Variants in ERBB4 observed in about 807,000 individuals in gnomAD.
ERBB4 encodes the protein receptor tyrosine-protein kinase erbB-4.
Under a neutral mutation model 158.0 loss-of-function variants are expected in ERBB4, and 42 were observed. The ratio of observed to expected loss-of-function variants is 0.27; its 90% CI spans 0.21 to 0.34. The LOEUF (loss-of-function observed/expected upper bound fraction) is 0.34, where lower values mean the gene tolerates loss of function less well. Among genes scored for constraint, ERBB4 ranks in the 10% least tolerant of loss-of-function variants. The pLI is 1.00. For synonymous variants in ERBB4, 583 were observed against 558.7 expected, an observed-to-expected ratio of 1.04 and a Z score of -0.61; for missense variants, 1,333 against 1,624.1, an observed-to-expected ratio of 0.82 and a Z score of 3.08.
At chr2:211,971,492 T>C (rs2081450492) in intron 2 of ERBB4, among the ~76,000 whole-genome samples, 1 of 152,164 alleles carries the variant, frequency 6.6e-6, no homozygotes, top group Non-Finnish European at 1.5e-5. Flanking sequence ...GAAGAGCTGG[T>C]ACCATTCCTA....
intron 20 of ERBB4, among the ~76,000 whole-genome samples, chr2:211,450,600 C>T (rs945699900): frequency 1.5e-4 from 23 of 151,998 alleles, no homozygotes; most frequent in African/African-American, 5.3e-4. Context: ...AAAATAGGAG[C>T]ATGAGAGAGA....
chr2:211,683,422 A>G (rs146617818), intron 12 of ERBB4, among the ~76,000 whole-genome samples: 3,260 of 152,258 alleles, frequency 0.021, 115 homozygotes, highest in African/African-American at 0.075. Context: ...ATTTATATAA[A>G]TGGAATTGTA....
At chr2:211,549,349 A>C (rs1053675039) in intron 20 of ERBB4, among the ~76,000 whole-genome samples, 4 of 151,964 alleles carry the variant, frequency 2.6e-5, no homozygotes, top group Non-Finnish European at 5.9e-5. Context: ...TAAGACTGAA[A>C]GGGAAAGGTA....
At chr2:211,705,240 C>T (rs1471270374) in intron 10 of ERBB4, 78 bp downstream of exon 10, 23 of 1,008,550 alleles carry the variant, frequency 2.3e-5, no homozygotes, top group South Asian at 1.0e-4. Context: ...GTGTGAGCCA[C>T]GATGCCCAGT....
intron 1 of ERBB4, among the ~76,000 whole-genome samples, chr2:212,195,295 A>T (rs987205118): frequency 6.6e-6 from 1 of 152,036 alleles, no homozygotes; most frequent in Non-Finnish European, 1.5e-5. Context: ...TACAATTTGC[A>T]TTAGACAGCT....
intron 1 of ERBB4, among the ~76,000 whole-genome samples, chr2:212,202,455 C>A (rs2105905163): frequency 6.6e-6 from 1 of 152,054 alleles, no homozygotes; most frequent in South Asian, 2.1e-4. Flanking sequence ...CTCAAGTGAT[C>A]CTCCTGTCTC....
chr2:211,929,904 CT>C, intron 3 of ERBB4, among the ~76,000 whole-genome samples: 1 of 152,234 alleles, frequency 6.6e-6, no homozygotes, highest in South Asian at 2.1e-4. Flanking sequence ...CACACATCCT[CT>C]TTTTCTGTTA....
At chr2:212,207,683 T>C (rs2105918704) in intron 1 of ERBB4, among the ~76,000 whole-genome samples, 1 of 152,342 alleles carries the variant, frequency 6.6e-6, no homozygotes, top group South Asian at 2.1e-4. Flanking sequence ...GTAATCTGTA[T>C]AATACGACAG....
chr2:211,505,592 A>AAACT (rs892079169), intron 20 of ERBB4, among the ~76,000 whole-genome samples: 8 of 149,592 alleles, frequency 5.3e-5, no homozygotes, highest in African/African-American at 1.8e-4. Flanking sequence ...ACAAACAAAC[A>AAACT]AACTATGACA....
At chr2:212,318,922 C>G (rs991078064) in intron 1 of ERBB4, among the ~76,000 whole-genome samples, 13 of 151,570 alleles carry the variant, frequency 8.6e-5, no homozygotes, top group African/African-American at 2.9e-4. Flanking sequence ...GCCATGGCTA[C>G]AGAGAGCCAG....
intron 1 of ERBB4, among the ~76,000 whole-genome samples, chr2:212,230,701 C>T (rs1053599693): frequency 1.3e-5 from 2 of 152,098 alleles, no homozygotes; most frequent in Non-Finnish European, 2.9e-5. Flanking sequence ...AATCATACTA[C>T]TTATTCAGGT....
At chr2:211,429,284 C>A (rs1040131016) in intron 21 of ERBB4, among the ~76,000 whole-genome samples, 9 of 152,128 alleles carry the variant, frequency 5.9e-5, no homozygotes, top group African/African-American at 2.2e-4. Context: ...TCTTTCTATA[C>A]TTGCCCCCTC....
chr2:212,014,318 C>G (rs889913545), intron 2 of ERBB4, among the ~76,000 whole-genome samples: 1 of 152,208 alleles, frequency 6.6e-6, no homozygotes, highest in South Asian at 2.1e-4. Context: ...AAGGACAACT[C>G]CATTGCAAAC....
At chr2:212,515,496 T>C (rs1453097336) in intron 1 of ERBB4, among the ~76,000 whole-genome samples, 1 of 151,958 alleles carries the variant, frequency 6.6e-6, no homozygotes, top group Non-Finnish European at 1.5e-5. Context: ...TATAAAACAA[T>C]ACTATAAAAC....
chr2:212,371,668 T>C (rs998453467), intron 1 of ERBB4, among the ~76,000 whole-genome samples: 7 of 152,226 alleles, frequency 4.6e-5, no homozygotes, highest in African/African-American at 1.2e-4. Flanking sequence ...AAGCAATTTA[T>C]ATACATCATC....
At chr2:211,775,255 G>A (rs1318474075) in intron 4 of ERBB4, among the ~76,000 whole-genome samples, 1 of 152,166 alleles carries the variant, frequency 6.6e-6, no homozygotes. Context: ...TGGTCTTTCA[G>A]CTGTTCTTGA....
At chr2:211,425,458 G>A (rs1386891993) in intron 22 of ERBB4, among the ~76,000 whole-genome samples, 3 of 151,558 alleles carry the variant, frequency 2.0e-5, no homozygotes, top group Non-Finnish European at 4.4e-5. Context: ...TAGGTATATT[G>A]TTAACATGTA....
chr2:211,475,844 G>A (rs2125536416), intron 20 of ERBB4, among the ~76,000 whole-genome samples: 1 of 152,188 alleles, frequency 6.6e-6, no homozygotes, highest in Non-Finnish European at 1.5e-5. Context: ...TAATAAATGT[G>A]TATTTGAATT....
intron 1 of ERBB4, among the ~76,000 whole-genome samples, chr2:212,381,686 C>A (rs1173450749): frequency 1.3e-5 from 2 of 150,912 alleles, no homozygotes; most frequent in African/African-American, 4.9e-5. Flanking sequence ...AAATCAGAGC[C>A]CCAATAAAAA....
Sources: allele counts gnomAD v4.1 joint callset (sites outside exome capture counted in the v4.1 genomes callset), GRCh38; gene constraint gnomAD v4.1.1; transcripts MANE v1.5; gene names NCBI Gene and HGNC (gene_info 2026-07-23, HGNC 2026-07-21).